UGT2A2: variants seen among roughly 807,000 people sequenced by gnomAD.
UGT2A2 encodes UDP glucuronosyltransferase family 2 member A2.
In UGT2A2, 60 loss-of-function variants were observed where a neutral mutation model predicts 50.7. The observed-to-expected ratio is 1.18, with a 90% CI of 0.96 to 1.47. The LOEUF (loss-of-function observed/expected upper bound fraction) is 1.47, where lower values mean the gene tolerates loss of function less well. UGT2A2 is among the 40% of genes most tolerant of loss of function. The probability of loss-of-function intolerance (pLI) is 0.00; values close to 1 mark genes in which losing one functional copy is unlikely to be tolerated. For missense variants in UGT2A2, 762 were observed against 634.0 expected (o/e 1.20, Z -2.17); for synonymous variants, 242 against 214.6 (o/e 1.13, Z -1.11).
At position 69,588,557 on chromosome 4, in the gene UGT2A2, A is replaced by C. The variant is rs927520669; in HGVS notation, c.*815T>G. On this transcript the variant is annotated 3_prime_UTR_variant, in exon 6 of 6. Coordinates refer to ENST00000604629, the MANE Select transcript of UGT2A2 (RefSeq NM_001105677.2). ...ATGTAATTATTTGTACAGTTGACTA[A>C]AAATTTTATAAAAATGATAATTATT... 1.3e-5 allele frequency: 2 copies of C among 152,104 alleles called. No homozygotes were observed. Among genetic ancestry groups the C allele is most frequent in the Non-Finnish European group, 2.9e-5 (2 of 68,000 alleles). The allele number at this position is 152,104 out of a possible 1,614,324, so 9.4% of individuals were successfully genotyped here. A position where few individuals can be genotyped will look rare whatever the true frequency, so the allele number is the denominator to read the frequency against.
chr4:69,605,870 C>G (rs992828151), intron 1 of UGT2A2, among the ~76,000 whole-genome samples: 3 of 136,644 alleles, frequency 2.2e-5, no homozygotes, highest in Admixed American at 7.2e-5. Context: ...AAGACTAAAT[C>G]AGGAAGACAT....
At chr4:69,593,944 A>C (rs2109878335) in intron 5 of UGT2A2, among the ~76,000 whole-genome samples, 1 of 151,770 alleles carries the variant, frequency 6.6e-6, no homozygotes, top group Non-Finnish European at 1.5e-5. Context: ...TATTTTGAAA[A>C]ATATTGAAAT....
Position 69,638,962 on chromosome 4 carries a change from GA to G in UGT2A2, c.678del (p.Leu227CysfsTer21). 6.2e-7 allele frequency: 1 copy of G among 1,612,914 alleles called. No homozygotes were observed. The highest frequency in any genetic ancestry group is 8.5e-7 in the Non-Finnish European group (1 of 1,179,416). ...TAGGACTGAAATATATAGTCTTGCA[GA>G]GAATAAGATATGGTATTTTTAATCC... ...GERIKNTISY[S>X]LQDYIFQSYW... On this transcript the variant is annotated frameshift_variant, in exon 1 of 6. Transcript: ENST00000604629. LOFTEE classifies it high-confidence loss of function.
At chr4:69,626,516 G>A (rs1721069317) in intron 1 of UGT2A2, among the ~76,000 whole-genome samples, 1 of 151,498 alleles carries the variant, frequency 6.6e-6, no homozygotes, top group Non-Finnish European at 1.5e-5. Context: ...CAGACTTGAG[G>A]ATATTTATTG....
Position 69,638,935 on chromosome 4 carries a change from A to G in UGT2A2, c.706T>C (p.Trp236Arg). The G allele has an allele frequency of 6.2e-7, 1 of 1,611,156 alleles. No homozygotes were observed. The highest frequency in any genetic ancestry group is 1.7e-5 in the Admixed American group (1 of 59,666). The change falls in exon 1 of 6, where the codon TGG (tryptophan) becomes CGG (arginine). Residue 236 changes from tryptophan to arginine, a missense_variant. By Grantham distance (101) the Trp-to-Arg change is moderately radical. Coordinates refer to ENST00000604629, the MANE Select transcript of UGT2A2 (RefSeq NM_001105677.2). ...CTATAGTATGAATTCCATTCTCCCC[A>G]GTAGGACTGAAATATATAGTCTTGC... is the stretch of plus-strand genomic sequence containing the variant. Reference protein sequence around the residue: ...SLQDYIFQSYWGEWNSYYSKI... With the variant: ...SLQDYIFQSYRGEWNSYYSKI...
intron 1 of UGT2A2, among the ~76,000 whole-genome samples, chr4:69,617,000 A>C (rs2109928641): frequency 6.6e-6 from 1 of 151,942 alleles, no homozygotes; most frequent in African/African-American, 2.4e-5. Context: ...ATGTAGGTGA[A>C]TGAGAAATAT....
At chr4:69,602,690 A>C (rs1719365327) in intron 1 of UGT2A2, among the ~76,000 whole-genome samples, 1 of 138,014 alleles carries the variant, frequency 7.2e-6, no homozygotes, top group Non-Finnish European at 1.5e-5. Flanking sequence ...TAGTTTTTAC[A>C]AAAGTTACAT....
rs768629275 is a variant in UGT2A2, at chr4:69,595,253, T to G, written c.1024-4A>C. The G allele has an allele frequency of 5.0e-6, 8 of 1,613,328 alleles. No homozygotes were observed. The highest frequency in any genetic ancestry group is 6.8e-6 in the Non-Finnish European group (8 of 1,179,708). On this transcript the variant is annotated splice_region_variant and splice_polypyrimidine_tract_variant and intron_variant, in intron 3 of 5. Coordinates refer to ENST00000604629, the MANE Select transcript of UGT2A2 (RefSeq NM_001105677.2). ...TTCCTTTGTATCTCCATAAAACCTG[T>G]GGAAAATGGTGCTTTAATTTTGCAA...
rs186768006 is a variant in UGT2A2, at chr4:69,588,739, A to C, written c.*633T>G. On this transcript the variant is annotated 3_prime_UTR_variant, in exon 6 of 6. Transcript: ENST00000604629. ...CAGGTTATATAAGAATATATGTTGAAGAAAGGCAGGCAAGTTATGCCGTGA... is the reference window on the plus strand; with the variant it reads ...CAGGTTATATAAGAATATATGTTGACGAAAGGCAGGCAAGTTATGCCGTGA... The C allele has an allele frequency of 6.6e-6, 1 of 152,120 alleles. No homozygotes were observed. Among genetic ancestry groups the C allele is most frequent in the African/African-American group, 2.4e-5 (1 of 41,432 alleles). The allele number at this position is 152,120 out of a possible 1,614,324, so 9.4% of individuals were successfully genotyped here. A position where few individuals can be genotyped will look rare whatever the true frequency, so the allele number is the denominator to read the frequency against.
intron 1 of UGT2A2, among the ~76,000 whole-genome samples, chr4:69,629,200 T>C (rs1721251931): frequency 6.6e-6 from 1 of 151,658 alleles, no homozygotes; most frequent in East Asian, 1.9e-4. Context: ...ATATTAATAC[T>C]CCTCCAGGTA....
intron 1 of UGT2A2, 30 bp downstream of exon 1, chr4:69,638,869 G>A: frequency 2.6e-6 from 4 of 1,515,284 alleles, no homozygotes; most frequent in Non-Finnish European, 3.5e-6. Context: ...GGGATGTGGA[G>A]TCATTAAAAA....
At chr4:69,596,491 G>T in intron 2 of UGT2A2, 110 bp from the exon 3 acceptor site, 1 of 1,317,478 alleles carries the variant, frequency 7.6e-7, no homozygotes. Context: ...AGAAACTGTT[G>T]AACTGTCTGT....
rs890890274 is a variant in UGT2A2, at chr4:69,596,495, T to G, written c.892-114A>C. 4 of 1,315,692 alleles carry G rather than the reference T, an allele frequency of 3.0e-6. No homozygotes were observed. The African/African-American group carries it at 4.6e-5, about 15-fold the overall frequency. The allele number at this position is 1,315,692 out of a possible 1,614,324, so 81.5% of individuals were successfully genotyped here. ...ATATATGTCAGAGAAACTGTTGAAC[T>G]GTCTGTCTTCTGACATGTAGAAAGA... On this transcript the variant is annotated intron_variant, in intron 2 of 5. Transcript: ENST00000604629.
At chr4:69,638,260 G>C (rs10518063) in intron 1 of UGT2A2, among the ~76,000 whole-genome samples, 34,433 of 152,020 alleles carry the variant, frequency 0.23, 4,161 homozygotes, top group Middle Eastern at 0.25. Context: ...ATAAAAGCCA[G>C]GAAAAATAAG....
intron 5 of UGT2A2, among the ~76,000 whole-genome samples, chr4:69,590,731 T>C (rs2109872281): frequency 6.6e-6 from 1 of 152,228 alleles, no homozygotes; most frequent in Non-Finnish European, 1.5e-5. Context: ...GAATATACTT[T>C]AGGCAATAAA....
chr4:69,618,214 TGTA>T (rs1560481809), intron 1 of UGT2A2, among the ~76,000 whole-genome samples: 35 of 109,890 alleles, frequency 3.2e-4, no homozygotes, highest in East Asian at 3.4e-4. Context: ...TGTGTGTGTG[TGTA>T]TGTTTGTGTG....
Position 69,639,429 on chromosome 4 carries a change from T to C in UGT2A2, c.212A>G (p.Asn71Ser). The C allele has an allele frequency of 6.2e-7, 1 of 1,613,170 alleles. No individual in the cohort carries two copies. Among genetic ancestry groups the C allele is most frequent in the Non-Finnish European group, 8.5e-7 (1 of 1,179,560 alleles). The change falls in exon 1 of 6, where the codon AAC becomes AGC. Residue 71 changes from asparagine to serine, a missense_variant. Coordinates refer to ENST00000604629, the MANE Select transcript of UGT2A2 (RefSeq NM_001105677.2). ...VLASSATLFI[N>S]SNPDSPVNFE... ...ATTCACAGGAGAATCGGGATTGGAG[T>C]TGATGAATAGAGTTGCTGATGAAGC...
chr4:69,634,202 G>A (rs1392346638), intron 1 of UGT2A2, among the ~76,000 whole-genome samples: 1 of 151,954 alleles, frequency 6.6e-6, no homozygotes, highest in Non-Finnish European at 1.5e-5. Context: ...CCGAGATCGC[G>A]CCACTGCACT....
intron 1 of UGT2A2, among the ~76,000 whole-genome samples, chr4:69,606,253 G>A (rs933108187): frequency 1.5e-5 from 2 of 136,352 alleles, no homozygotes; most frequent in Non-Finnish European, 3.1e-5. Context: ...TCCCTGGGAC[G>A]CAAGGCTGGG....
Sources: allele counts gnomAD v4.1 joint callset (sites outside exome capture counted in the v4.1 genomes callset), GRCh38; gene constraint gnomAD v4.1.1; transcripts MANE v1.5; gene names NCBI Gene and HGNC (gene_info 2026-07-23, HGNC 2026-07-21).